Variants in NKAIN2 observed in about 807,000 individuals in gnomAD.
The protein encoded by NKAIN2 is sodium/potassium transporting ATPase interacting 2, also known as sodium/potassium-transporting ATPase subunit beta-1-interacting protein 2.
NKAIN2 carries 14 observed loss-of-function variants against 32.6 expected under a neutral mutation model. The ratio of observed to expected loss-of-function variants is 0.43; its 90% CI spans 0.28 to 0.67. The LOEUF is 0.67. Among genes scored for constraint, NKAIN2 ranks in the 30% least tolerant of loss-of-function variants. The probability of loss-of-function intolerance (pLI) is 0.17; values close to 1 mark genes in which losing one functional copy is unlikely to be tolerated. For missense variants in NKAIN2, 198 were observed against 258.3 expected (o/e 0.77, Z 1.60); for synonymous variants, 80 against 87.2 (o/e 0.92, Z 0.46).
intron 2 of NKAIN2, among the ~76,000 whole-genome samples, chr6:124,341,382 T>C (rs1220759699): frequency 6.6e-6 from 1 of 152,072 alleles, no homozygotes; most frequent in East Asian, 1.9e-4. Flanking sequence ...TAAACACATA[T>C]TAAACCATAT....
intron 3 of NKAIN2, among the ~76,000 whole-genome samples, chr6:124,591,105 T>C (rs986174219): frequency 1.3e-5 from 2 of 152,152 alleles, no homozygotes; most frequent in African/African-American, 4.8e-5. Flanking sequence ...TATGCCAACT[T>C]CCCTTGTGAG....
intron 1 of NKAIN2, among the ~76,000 whole-genome samples, chr6:124,261,497 G>A (rs1428255676): frequency 1.3e-5 from 2 of 152,160 alleles, no homozygotes; most frequent in Non-Finnish European, 2.9e-5. Flanking sequence ...GACTGTCATA[G>A]TCATTGAGAT....
At chr6:124,487,938 C>T (rs1572471) in intron 3 of NKAIN2, among the ~76,000 whole-genome samples, 57,911 of 151,708 alleles carry the variant, frequency 0.38, 11,521 homozygotes, top group Non-Finnish European at 0.44. Context: ...AGCCAAGTGA[C>T]TTTGTTTTTC....
intron 1 of NKAIN2, among the ~76,000 whole-genome samples, chr6:124,271,203 G>A (rs1794749290): frequency 6.6e-6 from 1 of 152,090 alleles, no homozygotes; most frequent in African/African-American, 2.4e-5. Flanking sequence ...GTGGAATTGT[G>A]AGCCAATTAA....
At chr6:124,222,790 GC>G (rs2114702016) in intron 1 of NKAIN2, among the ~76,000 whole-genome samples, 1 of 152,256 alleles carries the variant, frequency 6.6e-6, no homozygotes, top group East Asian at 1.9e-4. Flanking sequence ...TGCGTCTCTT[GC>G]TGCTAAGTCA....
At chr6:124,286,538 G>T (rs1179272040) in intron 2 of NKAIN2, among the ~76,000 whole-genome samples, 1 of 151,860 alleles carries the variant, frequency 6.6e-6, no homozygotes, top group African/African-American at 2.4e-5. Context: ...TTGTTAATTT[G>T]ATAGAAGAAA....
Position 124,265,319 on chromosome 6 carries a change from T to C in NKAIN2, c.55-17686T>C, listed in dbSNP as rs550363490. Among the ~76,000 whole-genome samples the C allele has an allele frequency of 9.3e-4, 142 of 152,278 alleles. 2 individuals carry two copies. In the South Asian group the frequency reaches 0.022, roughly 24 times the overall value. On this transcript the variant is annotated intron_variant, in intron 1 of 6. Coordinates refer to ENST00000368417, the MANE Select transcript of NKAIN2 (RefSeq NM_001040214.3). The stretch of plus-strand genomic sequence containing the variant: ...TTTGGAACAGTTTATAATTTAAAAA[T>C]TACCCTACTCTTAGAAATATTAGAA...
intron 1 of NKAIN2, among the ~76,000 whole-genome samples, chr6:123,863,121 A>G (rs567507449): frequency 1.3e-5 from 2 of 152,344 alleles, no homozygotes; most frequent in South Asian, 4.1e-4. Flanking sequence ...TGGAGGAAGC[A>G]TCAGAGCCAC....
intron 3 of NKAIN2, among the ~76,000 whole-genome samples, chr6:124,565,471 G>C (rs1309216855): frequency 6.6e-6 from 1 of 152,178 alleles, no homozygotes; most frequent in East Asian, 1.9e-4. Flanking sequence ...GTGATATGTC[G>C]ATTGCCATTC....
intron 2 of NKAIN2, among the ~76,000 whole-genome samples, chr6:124,302,738 G>A (rs561190879): frequency 1.4e-4 from 21 of 152,086 alleles, no homozygotes; most frequent in African/African-American, 5.1e-4. Context: ...TAAATAGTAA[G>A]CTTGTGTACA....
intron 4 of NKAIN2, among the ~76,000 whole-genome samples, chr6:124,736,901 CTCT>C (rs1348542456): frequency 1.3e-5 from 2 of 152,008 alleles, no homozygotes; most frequent in East Asian, 3.9e-4. Context: ...CAACTTTCAG[CTCT>C]TATTATTTTT....
intron 1 of NKAIN2, 139 bp from the exon 2 acceptor site, chr6:124,282,866 T>C (rs921611306): frequency 2.8e-6 from 2 of 713,328 alleles, no homozygotes; most frequent in Non-Finnish European, 4.8e-6. Flanking sequence ...TCATTCTCGC[T>C]GTTAGTTAAA....
chr6:124,232,174 C>A (rs192417781), intron 1 of NKAIN2, among the ~76,000 whole-genome samples: 13 of 152,278 alleles, frequency 8.5e-5, no homozygotes, highest in African/African-American at 2.9e-4. Flanking sequence ...ATTTCCCAGC[C>A]TTTTCTAAGC....
At chr6:123,862,675 C>T (rs1775830586) in intron 1 of NKAIN2, among the ~76,000 whole-genome samples, 1 of 152,134 alleles carries the variant, frequency 6.6e-6, no homozygotes, top group African/African-American at 2.4e-5. Context: ...TACTTTTGCT[C>T]ATACTGTTCT....
At chr6:124,804,930 G>A (rs1004004054) in intron 5 of NKAIN2, among the ~76,000 whole-genome samples, 18 of 152,304 alleles carry the variant, frequency 1.2e-4, no homozygotes, top group African/African-American at 3.4e-4. Context: ...AGGCGGCAGC[G>A]AGGCTGGGGG....
At chr6:124,820,732 C>G (rs898560554) in intron 6 of NKAIN2, among the ~76,000 whole-genome samples, 7 of 152,152 alleles carry the variant, frequency 4.6e-5, no homozygotes, top group Non-Finnish European at 1.0e-4. Context: ...AGCTCTGCCT[C>G]CTGTCTGATA....
intron 3 of NKAIN2, among the ~76,000 whole-genome samples, chr6:124,373,502 T>C (rs983595319): frequency 1.3e-5 from 2 of 152,144 alleles, no homozygotes; most frequent in Non-Finnish European, 2.9e-5. Context: ...CAGTCATTAG[T>C]ATGTAAATAG....
intron 3 of NKAIN2, among the ~76,000 whole-genome samples, chr6:124,374,875 A>G (rs1026938729): frequency 6.6e-6 from 1 of 152,136 alleles, no homozygotes; most frequent in Non-Finnish European, 1.5e-5. Context: ...TAATATATTA[A>G]TAGTTCTGTA....
chr6:124,640,510 T>C (rs550316953), intron 3 of NKAIN2, among the ~76,000 whole-genome samples: 3 of 152,176 alleles, frequency 2.0e-5, no homozygotes, highest in East Asian at 1.9e-4. Context: ...TGGGAAAAGA[T>C]ACCTGTGGGG....
Sources: allele counts gnomAD v4.1 joint callset (sites outside exome capture counted in the v4.1 genomes callset), GRCh38; gene constraint gnomAD v4.1.1; transcripts MANE v1.5; gene names NCBI Gene and HGNC (gene_info 2026-07-23, HGNC 2026-07-21).